ICA1L: variants seen among roughly 807,000 people sequenced by gnomAD.
ICA1L encodes islet cell autoantigen 1-like protein.
A neutral mutation model predicts 61.3 loss-of-function variants in ICA1L; 50 were observed. The ratio of observed to expected loss-of-function variants is 0.82; its 90% CI spans 0.65 to 1.03. The LOEUF is 1.03. Ranked by LOEUF, ICA1L falls within the 50% of genes least tolerant of loss-of-function variation. The pLI is 0.00. For synonymous variants in ICA1L, 161 were observed against 191.3 expected, an observed-to-expected ratio of 0.84 and a Z score of 1.31; for missense variants, 508 against 556.7, an observed-to-expected ratio of 0.91 and a Z score of 0.88.
At chr2:202,843,693 T>C (rs894662763) in intron 1 of ICA1L, among the ~76,000 whole-genome samples, 4 of 152,186 alleles carry the variant, frequency 2.6e-5, no homozygotes, top group African/African-American at 9.7e-5. Context: ...TGCAGATGCT[T>C]GTTAAACAGC....
At chr2:202,795,260 G>T (rs1030594026) in intron 10 of ICA1L, among the ~76,000 whole-genome samples, 1 of 151,656 alleles carries the variant, frequency 6.6e-6, no homozygotes, top group Non-Finnish European at 1.5e-5. Context: ...CAAAGTGCTG[G>T]GATTACAGGC....
intron 1 of ICA1L, among the ~76,000 whole-genome samples, chr2:202,834,579 G>C (rs1207163451): frequency 1.3e-5 from 2 of 152,098 alleles, no homozygotes; most frequent in African/African-American, 4.8e-5. Flanking sequence ...AGAGAGCCAG[G>C]ATTGTGCCAC....
chr2:202,778,961 A>T lies in ICA1L; in HGVS notation c.*572T>A, dbSNP rs571975815. Reference sequence around the variant, plus strand: ...CTCCAAATGAAGAAAAACAAGTACCAAGTTTCTCTGTGATTTCATTAAAGC... The same window carrying T: ...CTCCAAATGAAGAAAAACAAGTACCTAGTTTCTCTGTGATTTCATTAAAGC... On this transcript the variant is annotated 3_prime_UTR_variant, in exon 13 of 13. Transcript: ENST00000358299. The T allele has an allele frequency of 5.6e-4, 86 of 152,716 alleles. No individual in the cohort carries two copies. The highest frequency in any genetic ancestry group is 2.0e-3 in the African/African-American group (85 of 41,586). 9.5% of individuals were successfully genotyped at this position (152,716 alleles called of 1,614,324 possible). A position where few individuals can be genotyped will look rare whatever the true frequency, so the allele number is the denominator to read the frequency against.
intron 1 of ICA1L, among the ~76,000 whole-genome samples, chr2:202,833,293 G>C (rs1248352864): frequency 6.6e-6 from 1 of 152,178 alleles, no homozygotes; most frequent in African/African-American, 2.4e-5. Flanking sequence ...TTTTAAAAAT[G>C]AAAGTAGTGG....
intron 9 of ICA1L, among the ~76,000 whole-genome samples, chr2:202,810,837 A>C (rs1481728943): frequency 3.9e-4 from 60 of 152,262 alleles, no homozygotes; most frequent in South Asian, 2.1e-4. Context: ...TTATGGTCAT[A>C]GCTGTGGGAT....
At position 202,774,232 on chromosome 2, in the gene ICA1L, C is replaced by T; in HGVS notation, c.*5301G>A. On this transcript the variant is annotated 3_prime_UTR_variant, in exon 13 of 13. Transcript: ENST00000358299. ...CCGGATCGAAGGCGCGGGGCGGCTC[C>T]TGAGTCTTCTCGCTCCTGTCGGCCA... 1 of 1,549,072 alleles carries T rather than the reference C, an allele frequency of 6.5e-7. No homozygotes were observed. Among genetic ancestry groups the T allele is most frequent in the South Asian group, 1.2e-5 (1 of 83,918 alleles).
intron 9 of ICA1L, among the ~76,000 whole-genome samples, chr2:202,808,131 C>T (rs1312104431): frequency 6.6e-6 from 1 of 152,100 alleles, no homozygotes; most frequent in Non-Finnish European, 1.5e-5. Flanking sequence ...AGCTTGGGCA[C>T]CAGCTTGGCC....
At chr2:202,802,770 TA>T (rs750815409) in intron 9 of ICA1L, among the ~76,000 whole-genome samples, 52 of 151,982 alleles carry the variant, frequency 3.4e-4, no homozygotes, top group African/African-American at 9.9e-4. Flanking sequence ...ATTTTTTTAA[TA>T]AAACAAGAAT....
chr2:202,826,264 G>T (rs1693839864), intron 2 of ICA1L, among the ~76,000 whole-genome samples: 1 of 151,588 alleles, frequency 6.6e-6, no homozygotes, highest in South Asian at 2.1e-4. Flanking sequence ...TCTTTTTTTA[G>T]AATTTTCTAT....
chr2:202,811,016 CT>C (rs763398341), intron 9 of ICA1L, among the ~76,000 whole-genome samples: 1 of 152,186 alleles, frequency 6.6e-6, no homozygotes, highest in Non-Finnish European at 1.5e-5. Context: ...AACTTCGCCC[CT>C]GTCCTGTGGT....
chr2:202,822,958 T>C (rs1168897430), intron 3 of ICA1L, among the ~76,000 whole-genome samples: 2 of 152,216 alleles, frequency 1.3e-5, no homozygotes, highest in Non-Finnish European at 2.9e-5. Flanking sequence ...TTAATGCTGA[T>C]TACTTGAGAG....
At chr2:202,815,036 T>G (rs767959976) in intron 7 of ICA1L, among the ~76,000 whole-genome samples, 2 of 152,206 alleles carry the variant, frequency 1.3e-5, no homozygotes, top group Non-Finnish European at 2.9e-5. Context: ...GTTTAACAAC[T>G]TAGTAATAGG....
chr2:202,808,405 C>T (rs1298259159), intron 9 of ICA1L, among the ~76,000 whole-genome samples: 1 of 152,126 alleles, frequency 6.6e-6, no homozygotes, highest in African/African-American at 2.4e-5. Flanking sequence ...AGGATTTTGT[C>T]TTACAGCTTG....
At chr2:202,841,825 A>T in intron 1 of ICA1L, 1 of 310,730 alleles carries the variant, frequency 3.2e-6, no homozygotes, top group Non-Finnish European at 6.3e-6. Context: ...CCAGATGGAG[A>T]TCCCAGAAGG....
intron 11 of ICA1L, among the ~76,000 whole-genome samples, chr2:202,787,959 C>G (rs560102155): frequency 1.2e-4 from 19 of 152,192 alleles, no homozygotes; most frequent in Non-Finnish European, 2.2e-4. Context: ...AGCTCCATTA[C>G]TGAACATCAG....
chr2:202,864,106 G>A (rs997360412), intron 1 of ICA1L, among the ~76,000 whole-genome samples: 3 of 152,072 alleles, frequency 2.0e-5, no homozygotes, highest in Non-Finnish European at 4.4e-5. Context: ...TGCTGAATTC[G>A]GTCAAACATT....
intron 12 of ICA1L, among the ~76,000 whole-genome samples, chr2:202,781,736 A>G (rs1219027380): frequency 2.0e-5 from 3 of 152,104 alleles, no homozygotes; most frequent in East Asian, 3.8e-4. Context: ...ATTAGCATAT[A>G]TTTTAGTCAA....
rs148032636 is a variant in ICA1L, at chr2:202,779,472, C to T, written c.*61G>A. ...CGGGTTACAATCTAAATCCTTTCCA[C>T]GAAGGAAATACGTTGCAAAATTGAT... On this transcript the variant is annotated 3_prime_UTR_variant, in exon 13 of 13. Coordinates refer to ENST00000358299, the MANE Select transcript of ICA1L (RefSeq NM_001288622.3). 457 of 1,005,236 alleles carry T rather than the reference C, an allele frequency of 4.5e-4. 2 individuals carry two copies. The African/African-American group carries it at 5.6e-3, about 12-fold the overall frequency. The allele number at this position is 1,005,236 out of a possible 1,614,324, so 62.3% of individuals were successfully genotyped here.
At chr2:202,793,226 T>G (rs1196128093) in intron 10 of ICA1L, among the ~76,000 whole-genome samples, 1 of 152,084 alleles carries the variant, frequency 6.6e-6, no homozygotes, top group African/African-American at 2.4e-5. Flanking sequence ...AATGAATAAC[T>G]TCTTAGAAAA....
Sources: gnomAD v4.1 joint callset for allele counts (sites outside exome capture counted in the v4.1 genomes callset) on GRCh38, gnomAD v4.1.1 for gene constraint, MANE v1.5 for transcripts, NCBI Gene and HGNC (gene_info 2026-07-23, HGNC 2026-07-21) for gene names.